Variants in IFT74 observed in about 807,000 individuals in gnomAD.
IFT74 encodes intraflagellar transport 74, also known as intraflagellar transport protein 74 homolog.
In IFT74, 92 loss-of-function variants were observed where a neutral mutation model predicts 96.7. That is an observed-to-expected ratio of 0.95 (90% CI 0.80 to 1.13). IFT74 has a LOEUF of 1.13. IFT74 is among the 50% of genes most tolerant of loss of function. The probability of loss-of-function intolerance (pLI) is 0.00; values close to 1 mark genes in which losing one functional copy is unlikely to be tolerated. For synonymous variants in IFT74, 223 were observed against 213.2 expected (o/e 1.05, Z -0.40); for missense variants, 811 against 698.2 (o/e 1.16, Z -1.82).
At chr9:27,031,318 T>C (rs143695532) in intron 13 of IFT74, among the ~76,000 whole-genome samples, 244 of 152,084 alleles carry the variant, frequency 1.6e-3, no homozygotes, top group African/African-American at 5.4e-3. Context: ...ATACAAAAAA[T>C]TAGCCGGGCC....
chr9:26,949,278 TATTC>T (rs1825862010), intron 1 of IFT74, among the ~76,000 whole-genome samples: 1 of 152,228 alleles, frequency 6.6e-6, no homozygotes, highest in African/African-American at 2.4e-5. Flanking sequence ...TAGATAGTAT[TATTC>T]CCATTTCACA....
At chr9:26,947,889 G>A (rs903155325) in intron 1 of IFT74, among the ~76,000 whole-genome samples, 3 of 152,240 alleles carry the variant, frequency 2.0e-5, no homozygotes, top group African/African-American at 4.8e-5. Flanking sequence ...GCTGAGATAC[G>A]TATTTTTAAC....
chr9:26,984,363 A>G lies in IFT74; in HGVS notation c.404+8A>G. On this transcript the variant is annotated splice_region_variant and intron_variant, in intron 5 of 19. Transcript: ENST00000380062. Reference sequence around the variant, plus strand: ...TTTGTCATATGAAAAGAGGTGAGTAATAAGTATTCAGTATTCATTCAGTAT... The same window carrying G: ...TTTGTCATATGAAAAGAGGTGAGTAGTAAGTATTCAGTATTCATTCAGTAT... 6.3e-7 allele frequency: 1 copy of G among 1,582,844 alleles called. No homozygotes were observed. Among genetic ancestry groups the G allele is most frequent in the Non-Finnish European group, 8.6e-7 (1 of 1,162,518 alleles).
At chr9:27,016,844 C>G in intron 10 of IFT74, 63 bp from the exon 11 acceptor site, 2 of 1,324,642 alleles carry the variant, frequency 1.5e-6, no homozygotes, top group Non-Finnish European at 2.1e-6. Flanking sequence ...TAAACTGAAA[C>G]CTATTTTAGA....
chr9:26,991,808 A>G (rs1022760765), intron 8 of IFT74, among the ~76,000 whole-genome samples: 1 of 152,098 alleles, frequency 6.6e-6, no homozygotes, highest in Non-Finnish European at 1.5e-5. Context: ...AGGCGGGTGG[A>G]TCATGAGGTC....
At chr9:27,045,822 A>C (rs1043401439) in intron 14 of IFT74, among the ~76,000 whole-genome samples, 2 of 152,182 alleles carry the variant, frequency 1.3e-5, no homozygotes, top group Non-Finnish European at 2.9e-5. Flanking sequence ...TTTTCTTTAA[A>C]ATGTCAGTAA....
intron 1 of IFT74, among the ~76,000 whole-genome samples, chr9:26,959,667 C>T (rs147379424): frequency 2.0e-5 from 3 of 152,034 alleles, no homozygotes; most frequent in African/African-American, 7.2e-5. Context: ...GACTGGAGGG[C>T]AGGATGGATG....
At chr9:27,045,972 G>A (rs976985981) in intron 14 of IFT74, among the ~76,000 whole-genome samples, 21 of 151,984 alleles carry the variant, frequency 1.4e-4, no homozygotes, top group African/African-American at 2.7e-4. Flanking sequence ...GCACTTAGGT[G>A]TCAATAAGTG....
At chr9:27,029,157 A>G in intron 13 of IFT74, 53 bp downstream of exon 13, 1 of 1,386,352 alleles carries the variant, frequency 7.2e-7, no homozygotes, top group South Asian at 1.3e-5. Flanking sequence ...AGCAGTATTA[A>G]TATAGTGTTA....
intron 8 of IFT74, chr9:26,998,238 C>T (rs1369477260): frequency 2.1e-6 from 3 of 1,432,128 alleles, no homozygotes; most frequent in African/African-American, 2.9e-5. Flanking sequence ...TTACATTGGA[C>T]TTCCTAGAAA....
At chr9:26,976,142 C>G (rs1299756300) in intron 2 of IFT74, among the ~76,000 whole-genome samples, 1 of 152,098 alleles carries the variant, frequency 6.6e-6, no homozygotes, top group Non-Finnish European at 1.5e-5. Flanking sequence ...TTGTTTGTCA[C>G]AATGGGTGGG....
intron 8 of IFT74, chr9:26,995,314 A>G (rs1828084899): frequency 2.1e-6 from 1 of 473,306 alleles, no homozygotes; most frequent in South Asian, 2.5e-5. Flanking sequence ...TAGACTATGT[A>G]ACTGTCAACT....
In IFT74 at chr9:26,984,253, A is replaced by G; in HGVS notation, c.306-4A>G. ...TGCTGACATTCTTATTTCTTTTCTAATAGAAGTAAAATAAGTGAACTTACA... is the reference window on the plus strand; with the variant it reads ...TGCTGACATTCTTATTTCTTTTCTAGTAGAAGTAAAATAAGTGAACTTACA... On this transcript the variant is annotated splice_region_variant and splice_polypyrimidine_tract_variant and intron_variant, in intron 4 of 19. Coordinates refer to ENST00000380062, the MANE Select transcript of IFT74 (RefSeq NM_025103.4). The G allele has an allele frequency of 1.3e-6, 2 of 1,553,004 alleles. No individual in the cohort carries two copies. The highest frequency in any genetic ancestry group is 1.7e-6 in the Non-Finnish European group (2 of 1,148,636).
intron 10 of IFT74, among the ~76,000 whole-genome samples, chr9:27,016,361 C>A (rs146563289): frequency 1.3e-5 from 2 of 152,216 alleles, no homozygotes; most frequent in East Asian, 3.9e-4. Flanking sequence ...TAGGGCCCAC[C>A]CCTAATGACC....
At chr9:26,951,008 C>G (rs1825915353) in intron 1 of IFT74, among the ~76,000 whole-genome samples, 1 of 152,262 alleles carries the variant, frequency 6.6e-6, no homozygotes, top group East Asian at 1.9e-4. Flanking sequence ...AACTGTCTGT[C>G]TGCATACAAA....
intron 10 of IFT74, among the ~76,000 whole-genome samples, chr9:27,014,734 C>T (rs1245547568): frequency 6.6e-6 from 1 of 152,082 alleles, no homozygotes; most frequent in Non-Finnish European, 1.5e-5. Flanking sequence ...CTCAGCCTCC[C>T]GAGTAGTGGG....
At chr9:26,986,289 G>A (rs928544072) in intron 6 of IFT74, among the ~76,000 whole-genome samples, 1 of 150,010 alleles carries the variant, frequency 6.7e-6, no homozygotes, top group Non-Finnish European at 1.5e-5. Flanking sequence ...TGTTACTGGT[G>A]GTGGTGGTGG....
At chr9:26,954,515 A>G (rs917326915), upstream of IFT74, among the ~76,000 whole-genome samples, 6 of 151,902 alleles carry the variant, frequency 3.9e-5, no homozygotes, top group Admixed American at 3.9e-4. Flanking sequence ...TTAATGTGCC[A>G]AAGTTTACCT....
chr9:27,035,576 T>C (rs181370369), intron 13 of IFT74, among the ~76,000 whole-genome samples: 76 of 152,324 alleles, frequency 5.0e-4, no homozygotes, highest in Admixed American at 9.8e-4. Flanking sequence ...TTTCAGTAAG[T>C]CCTCCTGGTG....
Sources: gnomAD v4.1 joint callset for allele counts (sites outside exome capture counted in the v4.1 genomes callset) on GRCh38, gnomAD v4.1.1 for gene constraint, MANE v1.5 for transcripts, NCBI Gene and HGNC (gene_info 2026-07-23, HGNC 2026-07-21) for gene names.